MRTFB: variants seen among roughly 807,000 people sequenced by gnomAD.
The protein encoded by MRTFB is myocardin related transcription factor B.
Under a neutral mutation model 104.2 loss-of-function variants are expected in MRTFB, and 29 were observed. The observed-to-expected ratio is 0.28, with a 90% CI of 0.21 to 0.38. MRTFB has a LOEUF of 0.38. Among genes scored for constraint, MRTFB ranks in the 10% least tolerant of loss-of-function variants. MRTFB has a pLI of 1.00. For synonymous variants in MRTFB, 535 were observed against 519.5 expected, an observed-to-expected ratio of 1.03 and a Z score of -0.41; for missense variants, 1,270 against 1,341.6, an observed-to-expected ratio of 0.95 and a Z score of 0.83.
intron 8 of MRTFB, among the ~76,000 whole-genome samples, chr16:14,219,298 A>G (rs2041578922): frequency 6.6e-6 from 1 of 152,206 alleles, no homozygotes. Flanking sequence ...TATGTTTCAA[A>G]TTTATTGGGA....
At chr16:14,203,804 G>GAAA (rs908323645) in intron 3 of MRTFB, among the ~76,000 whole-genome samples, 9 of 46,566 alleles carry the variant, frequency 1.9e-4, no homozygotes, top group African/African-American at 4.8e-4. Context: ...ACTCTGTCTC[G>GAAA]AAAAAAAAAA....
At chr16:14,085,949 A>G (rs1030582239) in intron 2 of MRTFB, among the ~76,000 whole-genome samples, 17 of 152,216 alleles carry the variant, frequency 1.1e-4, no homozygotes, top group African/African-American at 4.1e-4. Context: ...AAAAGTAAGT[A>G]TCTAAACTAG....
chr16:14,220,725 G>T (rs1334363148), intron 8 of MRTFB, among the ~76,000 whole-genome samples: 1 of 152,194 alleles, frequency 6.6e-6, no homozygotes, highest in Non-Finnish European at 1.5e-5. Context: ...CTTCAGTGCT[G>T]CTGCAGTACA....
At chr16:14,109,025 CTTGAT>C (rs2049212097) in intron 2 of MRTFB, among the ~76,000 whole-genome samples, 1 of 152,068 alleles carries the variant, frequency 6.6e-6, no homozygotes, top group Non-Finnish European at 1.5e-5. Flanking sequence ...CTATTCCTGG[CTTGAT>C]TTAAGTAGCA....
intron 2 of MRTFB, among the ~76,000 whole-genome samples, chr16:14,132,465 T>C (rs1245285210): frequency 2.0e-5 from 3 of 152,202 alleles, no homozygotes; most frequent in Non-Finnish European, 4.4e-5. Flanking sequence ...GAATAGATGA[T>C]CTCATGTTTA....
the MRTFB span, among the ~76,000 whole-genome samples, chr16:14,029,335 G>A: frequency 6.7e-6 from 1 of 148,972 alleles, no homozygotes; most frequent in Admixed American, 6.8e-5. Flanking sequence ...GAACCTGGGA[G>A]GCAGAGGTTG....
chr16:14,060,253 C>T, the MRTFB span, among the ~76,000 whole-genome samples: 4 of 151,820 alleles, frequency 2.6e-5, no homozygotes, highest in African/African-American at 7.3e-5. Flanking sequence ...GTGATCTGCC[C>T]GCCTCGGCCT....
At chr16:14,140,480 T>C (rs2037938997) in intron 2 of MRTFB, 64 bp from the exon 3 acceptor site, 1 of 1,205,200 alleles carries the variant, frequency 8.3e-7, no homozygotes, top group African/African-American at 1.5e-5. Context: ...CCCGTTTTAA[T>C]ACTTTTGTGC....
the MRTFB span, among the ~76,000 whole-genome samples, chr16:14,038,414 A>G: frequency 7.9e-5 from 12 of 152,318 alleles, no homozygotes; most frequent in African/African-American, 2.9e-4. Context: ...AACAGACCAG[A>G]TCAGCGTTTC....
At chr16:14,029,460 A>ACG in the MRTFB span, among the ~76,000 whole-genome samples, 1 of 140,754 alleles carries the variant, frequency 7.1e-6, no homozygotes, top group Non-Finnish European at 1.5e-5. Flanking sequence ...ACACACACAC[A>ACG]TATATATAAA....
chr16:14,002,195 C>T, the MRTFB span, among the ~76,000 whole-genome samples: 2 of 152,058 alleles, frequency 1.3e-5, no homozygotes, highest in Admixed American at 6.6e-5. Flanking sequence ...CCAGCCTGGC[C>T]AACATGGTGA....
In MRTFB at chr16:14,257,834, C is replaced by T. The variant is rs527786155; in HGVS notation, c.2704-267C>T. Among the ~76,000 whole-genome samples the T allele has an allele frequency of 3.9e-5, 6 of 152,154 alleles. No homozygotes were observed. The East Asian group carries it at 1.2e-3, about 29-fold the overall frequency. On this transcript the variant is annotated intron_variant, in intron 15 of 16. Coordinates refer to ENST00000571589, the MANE Select transcript of MRTFB (RefSeq NM_001308142.2). ...CACTTTTAAAATAAGGTATTAGAGG[C>T]CTCTCAAAATGCAATTCAGTGATAG...
intron 3 of MRTFB, chr16:14,142,974 C>T (rs2038087862): frequency 6.6e-6 from 1 of 152,106 alleles, no homozygotes. Flanking sequence ...TAACCACTCT[C>T]ATTGTTCATA....
At position 14,245,535 on chromosome 16, in the gene MRTFB, A is replaced by G. The variant is rs777971859; in HGVS notation, c.1087A>G (p.Asn363Asp). ...TTTTGTTTTCTTTTGAAGGCCACTCAATGACAAAAATAGTAACAGTGGGAA... is the reference window on the plus strand; with the variant it reads ...TTTTGTTTTCTTTTGAAGGCCACTCGATGACAAAAATAGTAACAGTGGGAA... ...TILPAPFKPLNDKNSNSGNSA... is the reference protein window; with the variant it reads ...TILPAPFKPLDDKNSNSGNSA... The change falls in exon 11 of 17, where the codon AAT (asparagine) becomes GAT (aspartate). Residue 363 changes from asparagine to aspartate, a missense_variant. Around this residue, in one of 3 missense-constraint regions of MRTFB, gnomAD observed 1,144 missense variants for 1,131.5 expected, o/e 1.01. Coordinates refer to ENST00000571589, the MANE Select transcript of MRTFB (RefSeq NM_001308142.2). The G allele has an allele frequency of 2.6e-5, 42 of 1,608,336 alleles. No individual in the cohort carries two copies. Among genetic ancestry groups the G allele is most frequent in the Non-Finnish European group, 3.6e-5 (42 of 1,178,552 alleles).
intron 2 of MRTFB, among the ~76,000 whole-genome samples, chr16:14,127,925 A>ATT (rs1194378476): frequency 6.3e-4 from 24 of 38,384 alleles, no homozygotes; most frequent in African/African-American, 5.9e-3. Flanking sequence ...ATATATATAT[A>ATT]TATATTTTTT....
chr16:14,132,261 C>T (rs1246337383), intron 2 of MRTFB, among the ~76,000 whole-genome samples: 1 of 151,288 alleles, frequency 6.6e-6, no homozygotes, highest in African/African-American at 2.4e-5. Flanking sequence ...TAGTGGTTGC[C>T]AGGGTCTGAG....
intron 3 of MRTFB, among the ~76,000 whole-genome samples, chr16:14,184,468 C>G (rs896681180): frequency 1.3e-5 from 2 of 152,160 alleles, no homozygotes; most frequent in South Asian, 4.1e-4. Flanking sequence ...GTCATTCGCC[C>G]ACCTCGGCCT....
chr16:14,013,673 T>C, the MRTFB span, among the ~76,000 whole-genome samples: 1 of 152,266 alleles, frequency 6.6e-6, no homozygotes, highest in African/African-American at 2.4e-5. Context: ...TATTTTGTTT[T>C]CTCTTGGCCA....
intron 3 of MRTFB, chr16:14,141,140 C>T (rs542284875): frequency 7.6e-5 from 13 of 171,410 alleles, no homozygotes; most frequent in African/African-American, 2.1e-4. Context: ...TGTGTTGCAC[C>T]GTAATTTCAC....
Sources: allele counts gnomAD v4.1 joint callset (sites outside exome capture counted in the v4.1 genomes callset), GRCh38; gene constraint gnomAD v4.1.1; regional missense constraint gnomAD v4.1.1; transcripts MANE v1.5; gene names NCBI Gene and HGNC (gene_info 2026-07-23, HGNC 2026-07-21).